Variants in ACSS3 observed in about 807,000 individuals in gnomAD.
ACSS3 encodes acyl-CoA synthetase short chain family member 3.
In ACSS3, 64 loss-of-function variants were observed where a neutral mutation model predicts 84.2. The observed-to-expected ratio is 0.76, with a 90% confidence interval of 0.62 to 0.94. The LOEUF is 0.94. Among genes scored for constraint, ACSS3 ranks in the 40% least tolerant of loss-of-function variants. The pLI is 0.00. For synonymous variants in ACSS3, 317 were observed against 310.1 expected (o/e 1.02, Z -0.23); for missense variants, 815 against 867.6 (o/e 0.94, Z 0.76).
intron 9 of ACSS3, among the ~76,000 whole-genome samples, chr12:81,212,367 G>C (rs971122334): frequency 3.3e-5 from 5 of 152,120 alleles, no homozygotes; most frequent in Admixed American, 3.3e-4. Context: ...AATGCTATTT[G>C]CAAGTATGGG....
In ACSS3 at chr12:81,217,010, C is replaced by T. The variant is rs764219437; in HGVS notation, c.1450+14C>T. ...CAGGATACAATGGTAAGGAATGACC[C>T]TGATAATACGTAAAGTTAATAAATT... On this transcript the variant is annotated intron_variant, in intron 10 of 15. Transcript: ENST00000548058. 2 of 1,591,138 alleles carry T rather than the reference C, an allele frequency of 1.3e-6. No individual in the cohort carries two copies. Among genetic ancestry groups the T allele is most frequent in the Admixed American group, 1.7e-5 (1 of 59,744 alleles).
Position 81,212,928 on chromosome 12 carries a change from C to T in ACSS3, c.1355-3973C>T, listed in dbSNP as rs74521178. On this transcript the variant is annotated intron_variant, in intron 9 of 15. Transcript: ENST00000548058. Reference sequence around the variant, plus strand: ...GTGACATTCTTCATACCCTTCAATTCCCTGTTCATCTTCTTCCTAGCTGTC... The same window carrying T: ...GTGACATTCTTCATACCCTTCAATTTCCTGTTCATCTTCTTCCTAGCTGTC... Among the ~76,000 whole-genome samples, 523 of 152,216 alleles carry T rather than the reference C, an allele frequency of 3.4e-3. 2 individuals are homozygous for T. The highest frequency in any genetic ancestry group is 5.7e-3 in the Non-Finnish European group (391 of 68,008).
chr12:81,226,686 G>C (rs2033284403), intron 11 of ACSS3, among the ~76,000 whole-genome samples: 1 of 151,822 alleles, frequency 6.6e-6, no homozygotes, highest in Admixed American at 6.6e-5. Flanking sequence ...TATTGATCTA[G>C]AATAGAAACT....
At chr12:81,092,099 C>T (rs1178299940) in intron 1 of ACSS3, among the ~76,000 whole-genome samples, 1 of 152,048 alleles carries the variant, frequency 6.6e-6, no homozygotes, top group African/African-American at 2.4e-5. Flanking sequence ...TATATACATA[C>T]ACATATATGT....
intron 7 of ACSS3, among the ~76,000 whole-genome samples, chr12:81,166,196 T>A (rs994572965): frequency 6.6e-6 from 1 of 152,146 alleles, no homozygotes; most frequent in Non-Finnish European, 1.5e-5. Context: ...AGGACTAGAA[T>A]ATCAGTGATC....
Position 81,255,145 on chromosome 12 carries a change from C to T in ACSS3, c.*223C>T. ...TTGTTATTAGTTATCTATAACATGGCTTATTGAATGTCATCTACTGCTTTA... is the reference window on the plus strand; with the variant it reads ...TTGTTATTAGTTATCTATAACATGGTTTATTGAATGTCATCTACTGCTTTA... On this transcript the variant is annotated 3_prime_UTR_variant, in exon 16 of 16. Transcript: ENST00000548058. The T allele has an allele frequency of 7.7e-6, 3 of 389,732 alleles. No homozygotes were observed. In the South Asian group the frequency reaches 1.6e-4, roughly 20 times the overall value. The allele number at this position is 389,732 out of a possible 1,614,324, so 24.1% of individuals were successfully genotyped here.
rs543458651 is a variant in ACSS3 at position 81,151,696 on chromosome 12, T to A, written c.922-148T>A. The A allele has an allele frequency of 1.7e-5, 11 of 629,884 alleles. No homozygotes were observed. The East Asian group carries it at 3.2e-4, about 18-fold the overall frequency. The allele number at this position is 629,884 out of a possible 1,614,324, so 39.0% of individuals were successfully genotyped here. ...ATTGAAGGACCCAAAGAAATAATGA[T>A]TCAAAGATAATTTTATAAAAGCCAA... On this transcript the variant is annotated intron_variant, in intron 5 of 15. Transcript: ENST00000548058.
At chr12:81,179,663 G>A (rs968292843) in intron 8 of ACSS3, among the ~76,000 whole-genome samples, 1 of 151,508 alleles carries the variant, frequency 6.6e-6, no homozygotes, top group Admixed American at 6.6e-5. Flanking sequence ...CCAGCTACTC[G>A]GAGAGGCTGA....
intron 7 of ACSS3, among the ~76,000 whole-genome samples, chr12:81,156,209 CCACA>C (rs34147790): frequency 6.8e-6 from 1 of 147,090 alleles, no homozygotes; most frequent in African/African-American, 2.5e-5. Context: ...CACACACACC[CCACA>C]CACACACACA....
Position 81,253,369 on chromosome 12 carries a change from A to G in ACSS3, c.1782A>G (p.Lys594=). 1 of 1,613,966 alleles carries G rather than the reference A, an allele frequency of 6.2e-7. No individual in the cohort carries two copies. Among genetic ancestry groups the G allele is most frequent in the Non-Finnish European group, 8.5e-7 (1 of 1,179,906 alleles). Residue 594 remains lysine (K), a synonymous_variant, in exon 14 of 16, where the codon AAA becomes AAG. Coordinates refer to ENST00000548058, the MANE Select transcript of ACSS3 (RefSeq NM_024560.4). ...TTGTTGGCAAGGAAGATCCCTTAAA[A>G]GGTCATGTCCCCTTAGCACTCTGTG... is the stretch of plus-strand genomic sequence containing the variant. ...CAVVGKEDPL[K]GHVPLALCVL...
chr12:81,245,768 TAAG>T (rs2033963965), intron 13 of ACSS3, among the ~76,000 whole-genome samples: 1 of 152,242 alleles, frequency 6.6e-6, no homozygotes, highest in African/African-American at 2.4e-5. Flanking sequence ...CTGACAAATC[TAAG>T]AAGAATTGTT....
intron 1 of ACSS3, among the ~76,000 whole-genome samples, chr12:81,109,102 T>C (rs1328872761): frequency 6.6e-6 from 1 of 152,172 alleles, no homozygotes; most frequent in African/African-American, 2.4e-5. Context: ...AAAATACTTA[T>C]AGCTCTTTCA....
At chr12:81,181,789 T>C (rs1308920049) in intron 8 of ACSS3, among the ~76,000 whole-genome samples, 2 of 111,088 alleles carry the variant, frequency 1.8e-5, no homozygotes, top group East Asian at 4.8e-4. Flanking sequence ...GCTACAATAG[T>C]AGACTAGATA....
chr12:81,241,416 CT>C (rs1479432507), intron 13 of ACSS3, among the ~76,000 whole-genome samples: 1 of 152,142 alleles, frequency 6.6e-6, no homozygotes, highest in Non-Finnish European at 1.5e-5. Context: ...GCCACACTGA[CT>C]TCCACAATGG....
chr12:81,186,498 A>G (rs2031261029), intron 8 of ACSS3, among the ~76,000 whole-genome samples: 1 of 151,840 alleles, frequency 6.6e-6, no homozygotes, highest in African/African-American at 2.4e-5. Flanking sequence ...TAAAGAACTC[A>G]TACAGTTCAA....
At chr12:81,080,951 GA>G (rs1417692526) in intron 1 of ACSS3, among the ~76,000 whole-genome samples, 1 of 152,178 alleles carries the variant, frequency 6.6e-6, no homozygotes, top group Non-Finnish European at 1.5e-5. Context: ...GGAGAAGGGA[GA>G]TATTGACAGC....
chr12:81,167,815 G>T (rs1887473913), intron 7 of ACSS3, among the ~76,000 whole-genome samples: 1 of 152,136 alleles, frequency 6.6e-6, no homozygotes. Context: ...TAGATTTATA[G>T]ATATTTGTGT....
intron 7 of ACSS3, among the ~76,000 whole-genome samples, chr12:81,153,552 G>A (rs911347371): frequency 6.6e-6 from 1 of 152,114 alleles, no homozygotes. Flanking sequence ...GTTACAGAGG[G>A]TTATATTTTG....
chr12:81,102,045 G>GCACA (rs68004924), intron 1 of ACSS3, among the ~76,000 whole-genome samples: 4,076 of 149,080 alleles, frequency 0.027, 81 homozygotes, highest in South Asian at 0.055. Flanking sequence ...TTATGCACAC[G>GCACA]CACACACACA....
Sources: allele counts gnomAD v4.1 joint callset (sites outside exome capture counted in the v4.1 genomes callset), GRCh38; gene constraint gnomAD v4.1.1; transcripts MANE v1.5; gene names NCBI Gene and HGNC (gene_info 2026-07-23, HGNC 2026-07-21).